The following ZNF280D variants were observed in gnomAD, a reference collection of about 807,000 sequenced individuals.
The protein encoded by ZNF280D is zinc finger protein 280D, also known as suppressor of hairy wing homolog 4.
In ZNF280D, 39 loss-of-function variants were observed where a neutral mutation model predicts 94.7. The ratio of observed to expected loss-of-function variants is 0.41; its 90% CI spans 0.32 to 0.54. The LOEUF is 0.54. Ranked by LOEUF, ZNF280D falls within the 20% of genes least tolerant of loss-of-function variation. The pLI is 0.22. For synonymous variants in ZNF280D, 398 were observed against 377.6 expected, an observed-to-expected ratio of 1.05 and a Z score of -0.63; for missense variants, 1,090 against 1,149.3, an observed-to-expected ratio of 0.95 and a Z score of 0.75.
intron 19 of ZNF280D, chr15:56,652,745 C>T (rs559594458): frequency 2.6e-4 from 255 of 984,974 alleles, no homozygotes; most frequent in Non-Finnish European, 2.5e-4. Flanking sequence ...AGTAGTATTG[C>T]CAATTCTTTA....
rs563173469 is a variant in ZNF280D, at chr15:56,731,844, T to A, written c.-86+1614A>T. 2.0e-3 allele frequency among the ~76,000 whole-genome samples: 300 copies of A among 152,124 alleles called. 1 individual carries two copies. The highest frequency in any genetic ancestry group is 6.7e-3 in the African/African-American group (278 of 41,490). ...AACTTTCCAATATTTTCGAAAAAAA[T>A]AGCAAGTTGCAAAGTTAAGAAATTA... On this transcript the variant is annotated intron_variant, in intron 1 of 21. Transcript: ENST00000267807.
chr15:56,707,115 T>A lies in ZNF280D; in HGVS notation c.-6A>T, dbSNP rs2057455915. 2 of 1,613,968 alleles carry A rather than the reference T, an allele frequency of 1.2e-6. No individual in the cohort carries two copies. The highest frequency in any genetic ancestry group is 1.7e-6 in the Non-Finnish European group (2 of 1,179,936). On this transcript the variant is annotated 5_prime_UTR_variant, in exon 3 of 22. Transcript: ENST00000267807. Reference sequence around the variant, plus strand: ...TGAAAAGGGTTGTCGCCCATCAAGCTGCAGAGATGACTTTCTGTAAATTGT... The same window carrying A: ...TGAAAAGGGTTGTCGCCCATCAAGCAGCAGAGATGACTTTCTGTAAATTGT...
At chr15:56,646,255 C>T (rs750153177) in intron 19 of ZNF280D, among the ~76,000 whole-genome samples, 49 of 151,962 alleles carry the variant, frequency 3.2e-4, no homozygotes, top group Non-Finnish European at 1.0e-4. Flanking sequence ...GAGACCTCAT[C>T]TCTACAAAAA....
intron 18 of ZNF280D, 21 bp from the exon 19 acceptor site, chr15:56,654,255 T>C: frequency 1.9e-6 from 3 of 1,609,866 alleles, no homozygotes; most frequent in Non-Finnish European, 2.5e-6. Context: ...AAGAAAAGTT[T>C]TACATTTACA....
chr15:56,709,856 C>A (rs997460495), intron 1 of ZNF280D, among the ~76,000 whole-genome samples: 2 of 151,900 alleles, frequency 1.3e-5, no homozygotes, highest in Middle Eastern at 3.4e-3. Flanking sequence ...CGGGGCCTGT[C>A]GTTGGGTGGG....
intron 6 of ZNF280D, among the ~76,000 whole-genome samples, chr15:56,696,995 T>A (rs1294511910): frequency 6.6e-6 from 1 of 152,208 alleles, no homozygotes; most frequent in African/African-American, 2.4e-5. Context: ...TTCCCCATCC[T>A]CGGTCAAACG....
In ZNF280D at chr15:56,654,509, A is replaced by G. The variant is rs1343977405; in HGVS notation, c.2058-6T>C. Reference sequence around the variant, plus strand: ...GGCACACTAGAGTAATGCCCCTAAAAAAAAAAGCATTAAAAAAAGATTTTT... The same window carrying G: ...GGCACACTAGAGTAATGCCCCTAAAGAAAAAAGCATTAAAAAAAGATTTTT... On this transcript the variant is annotated splice_polypyrimidine_tract_variant and splice_region_variant and intron_variant, in intron 17 of 21. Transcript: ENST00000267807. 6.4e-7 allele frequency: 1 copy of G among 1,565,212 alleles called. No individual in the cohort carries two copies. Among genetic ancestry groups the G allele is most frequent in the Non-Finnish European group, 8.6e-7 (1 of 1,163,824 alleles).
chr15:56,663,992 A>G (rs1301349981), intron 16 of ZNF280D, among the ~76,000 whole-genome samples: 1 of 152,244 alleles, frequency 6.6e-6, no homozygotes, highest in Non-Finnish European at 1.5e-5. Flanking sequence ...TTGTAACAAA[A>G]TATCACATGT....
At chr15:56,635,892 T>C (rs1245835114) in intron 20 of ZNF280D, 2 of 152,164 alleles carry the variant, frequency 1.3e-5, no homozygotes, top group African/African-American at 2.4e-5. Context: ...GAACTTTACA[T>C]GCACTATCTC....
intron 13 of ZNF280D, among the ~76,000 whole-genome samples, chr15:56,669,873 T>TTATATATATATATATATATAA (rs71113014): frequency 2.4e-4 from 2 of 8,484 alleles, no homozygotes; most frequent in African/African-American, 8.3e-4. Context: ...TATATATATT[T>TTATATATATATATATATATAA]TATATATATA....
At chr15:56,666,291 C>A (rs1393017047) in intron 16 of ZNF280D, 104 bp downstream of exon 16, 1 of 1,250,034 alleles carries the variant, frequency 8.0e-7, no homozygotes, top group African/African-American at 1.5e-5. Flanking sequence ...CTTTTAGCTC[C>A]TTGAAGAGAA....
chr15:56,697,402 C>T (rs1450424780), intron 6 of ZNF280D, among the ~76,000 whole-genome samples: 2 of 152,222 alleles, frequency 1.3e-5, no homozygotes, highest in African/African-American at 4.8e-5. Context: ...CCAGGCTGGT[C>T]TCAAACTCCT....
At chr15:56,643,187 A>C in intron 19 of ZNF280D, 190 bp from the exon 20 acceptor site, 1 of 366,192 alleles carries the variant, frequency 2.7e-6, no homozygotes, top group Non-Finnish European at 5.0e-6. Context: ...ACTAAATAGT[A>C]GATTCGATAA....
At chr15:56,730,923 T>A (rs756942989) in intron 1 of ZNF280D, among the ~76,000 whole-genome samples, 1 of 152,214 alleles carries the variant, frequency 6.6e-6, no homozygotes, top group Non-Finnish European at 1.5e-5. Context: ...AATGGAAAGA[T>A]AGCTTGTCAC....
At chr15:56,651,015 TTA>T (rs569675861) in intron 19 of ZNF280D, among the ~76,000 whole-genome samples, 159 of 152,330 alleles carry the variant, frequency 1.0e-3, no homozygotes, top group East Asian at 1.4e-3. Flanking sequence ...ATCTAACATA[TTA>T]TATGTTTTAT....
At chr15:56,653,104 A>G in intron 19 of ZNF280D, 3 of 989,982 alleles carry the variant, frequency 3.0e-6, no homozygotes, top group Non-Finnish European at 3.6e-6. Context: ...GTCAGTAAAA[A>G]TAACTGCAAT....
intron 1 of ZNF280D, among the ~76,000 whole-genome samples, chr15:56,713,777 G>A (rs1411317810): frequency 6.6e-6 from 1 of 152,080 alleles, no homozygotes; most frequent in African/African-American, 2.4e-5. Flanking sequence ...TGAGTAAAAA[G>A]AGCAATTTTT....
chr15:56,678,675 T>C lies in ZNF280D; in HGVS notation c.1151A>G (p.His384Arg). 5 of 1,593,766 alleles carry C rather than the reference T, an allele frequency of 3.1e-6. No individual in the cohort carries two copies. Among genetic ancestry groups the C allele is most frequent in the Non-Finnish European group, 4.3e-6 (5 of 1,171,572 alleles). The change falls in exon 11 of 22, where the codon CAT (histidine) becomes CGT (arginine). Residue 384 changes from histidine (H) to arginine (R), a missense_variant. Physicochemically the swap from His to Arg is conservative, Grantham distance 29 (BLOSUM62 0). Transcript: ENST00000267807. ...TATTGGTAACTTACTAGAAAATTCATGGGGCGTATGTGTACTTTCGATGTG... is the reference window on the plus strand; with the variant it reads ...TATTGGTAACTTACTAGAAAATTCACGGGGCGTATGTGTACTTTCGATGTG... Reference protein sequence around the residue: ...QCHIESTHTPHEFSTICKICE... With the variant: ...QCHIESTHTPREFSTICKICE...
intron 4 of ZNF280D, among the ~76,000 whole-genome samples, chr15:56,702,741 C>T (rs2141206526): frequency 6.6e-6 from 1 of 152,162 alleles, no homozygotes; most frequent in Non-Finnish European, 1.5e-5. Flanking sequence ...GAGAGATGAC[C>T]AATGTGCCCC....
Sources: allele counts gnomAD v4.1 joint callset (sites outside exome capture counted in the v4.1 genomes callset), GRCh38; gene constraint gnomAD v4.1.1; transcripts MANE v1.5; gene names NCBI Gene and HGNC (gene_info 2026-07-23, HGNC 2026-07-21).